Variants in NXPE2 observed in about 807,000 individuals in gnomAD.
NXPE2 encodes the protein NXPE family member 2.
A neutral mutation model predicts 34.4 loss-of-function variants in NXPE2; 34 were observed. That is an observed-to-expected ratio of 0.99 (90% CI 0.75 to 1.31). The LOEUF is 1.31. Among genes scored for constraint, NXPE2 ranks in the 40% most tolerant of loss-of-function variants. The pLI, the probability that NXPE2 is intolerant of heterozygous loss-of-function variation, is 0.00. For missense variants in NXPE2, 649 were observed against 672.5 expected, an observed-to-expected ratio of 0.97 and a Z score of 0.39; for synonymous variants, 235 against 231.3, an observed-to-expected ratio of 1.02 and a Z score of -0.15.
At chr11:114,591,918 C>T in the NXPE2 span, among the ~76,000 whole-genome samples, 4 of 152,132 alleles carry the variant, frequency 2.6e-5, no homozygotes, top group Non-Finnish European at 4.4e-5. Context: ...GGCCCCTTCT[C>T]ATTCAACAAA....
chr11:114,487,315 G>T, the NXPE2 span, among the ~76,000 whole-genome samples: 1 of 152,116 alleles, frequency 6.6e-6, no homozygotes, highest in South Asian at 2.1e-4. Flanking sequence ...GGTATACAGA[G>T]ATGCTACTGA....
chr11:114,786,355 A>AC, the NXPE2 span, among the ~76,000 whole-genome samples: 1,788 of 127,106 alleles, frequency 0.014, 47 homozygotes, highest in Non-Finnish European at 0.016. Context: ...AGATCTTTCT[A>AC]CCCCCGCCCC....
At chr11:114,543,106 A>G in the NXPE2 span, among the ~76,000 whole-genome samples, 336 of 152,164 alleles carry the variant, frequency 2.2e-3, no homozygotes, top group Non-Finnish European at 4.1e-3. Context: ...ACATAAAGAA[A>G]TCACTTTGGG....
the NXPE2 span, among the ~76,000 whole-genome samples, chr11:114,797,912 C>T: frequency 6.6e-6 from 1 of 152,196 alleles, no homozygotes; most frequent in East Asian, 1.9e-4. Context: ...GTAATTGCTT[C>T]TGGGCCAAGG....
the NXPE2 span, among the ~76,000 whole-genome samples, chr11:114,737,961 C>T: frequency 6.6e-6 from 1 of 152,138 alleles, no homozygotes; most frequent in Non-Finnish European, 1.5e-5. Context: ...GTGGTGCTGG[C>T]CTGTATTCCC....
chr11:114,629,485 A>C, the NXPE2 span, among the ~76,000 whole-genome samples: 1 of 151,364 alleles, frequency 6.6e-6, no homozygotes, highest in African/African-American at 2.4e-5. Context: ...TCATGCTAAA[A>C]ACTCTCAATA....
At chr11:114,725,976 A>AAAAAAAAAATATATAT in the NXPE2 span, among the ~76,000 whole-genome samples, 1 of 101,766 alleles carries the variant, frequency 9.8e-6, no homozygotes, top group African/African-American at 3.4e-5. Context: ...ATAAAAAAAA[A>AAAAAAAAAATATATAT]ATATATATAT....
At chr11:114,735,289 T>C in the NXPE2 span, among the ~76,000 whole-genome samples, 1 of 140,668 alleles carries the variant, frequency 7.1e-6, no homozygotes, top group Non-Finnish European at 1.6e-5. Context: ...CTCTTTTTTC[T>C]CTGTTGTTGG....
chr11:114,582,596 C>T, the NXPE2 span: 1 of 1,614,040 alleles, frequency 6.2e-7, no homozygotes, highest in Non-Finnish European at 8.5e-7. Context: ...ACAGAGAGAC[C>T]TGGCCCTCCC....
chr11:114,582,519 T>A, the NXPE2 span: 1 of 1,614,120 alleles, frequency 6.2e-7, no homozygotes, highest in Non-Finnish European at 8.5e-7. Context: ...GATCACCCTG[T>A]CATAGCCTTG....
chr11:114,760,869 C>T, the NXPE2 span, among the ~76,000 whole-genome samples: 1 of 152,188 alleles, frequency 6.6e-6, no homozygotes, highest in Non-Finnish European at 1.5e-5. Context: ...TCTAATAGAT[C>T]CTGGCCTCCA....
the NXPE2 span, among the ~76,000 whole-genome samples, chr11:114,806,739 A>T: frequency 4.6e-5 from 7 of 151,796 alleles, no homozygotes; most frequent in Non-Finnish European, 5.9e-5. Context: ...AGTGATGGGG[A>T]GAATGGAACC....
intron 2 of NXPE2, among the ~76,000 whole-genome samples, chr11:114,690,153 G>A (rs1159346771): frequency 1.3e-5 from 2 of 152,102 alleles, no homozygotes; most frequent in Admixed American, 1.3e-4. Context: ...TAGTTGCTTT[G>A]TAGTTTCAAT....
intron 2 of NXPE2, among the ~76,000 whole-genome samples, chr11:114,682,906 G>GT (rs940543913): frequency 2.0e-5 from 3 of 151,590 alleles, no homozygotes; most frequent in African/African-American, 7.3e-5. Context: ...ACTATTTCAT[G>GT]TTTTTTAAAA....
At chr11:114,598,307 G>A in the NXPE2 span, among the ~76,000 whole-genome samples, 1 of 20,998 alleles carries the variant, frequency 4.8e-5, no homozygotes, top group East Asian at 1.1e-3. Flanking sequence ...GAGTGCCTTT[G>A]GTTTTTCCAG....
At chr11:114,772,193 A>T in the NXPE2 span, among the ~76,000 whole-genome samples, 1 of 152,230 alleles carries the variant, frequency 6.6e-6, no homozygotes, top group Non-Finnish European at 1.5e-5. Context: ...TAAACAAAGG[A>T]TATCTAAGAT....
intron 2 of NXPE2, among the ~76,000 whole-genome samples, chr11:114,685,988 G>A (rs530400413): frequency 6.6e-6 from 1 of 152,042 alleles, no homozygotes; most frequent in South Asian, 2.1e-4. Flanking sequence ...GAAATGTTCT[G>A]TATCTTGACT....
the NXPE2 span, among the ~76,000 whole-genome samples, chr11:114,537,321 A>G: frequency 6.6e-6 from 1 of 152,214 alleles, no homozygotes; most frequent in Non-Finnish European, 1.5e-5. Context: ...CACAGCCAAT[A>G]TCATACTGAA....
the NXPE2 span, among the ~76,000 whole-genome samples, chr11:114,813,573 G>T: frequency 2.0e-5 from 3 of 152,176 alleles, no homozygotes; most frequent in Non-Finnish European, 4.4e-5. Context: ...GGGCATGTCT[G>T]GGGGAGTTCA....
Sources: gnomAD v4.1 joint callset for allele counts (sites outside exome capture counted in the v4.1 genomes callset) on GRCh38, gnomAD v4.1.1 for gene constraint, MANE v1.5 for transcripts, NCBI Gene and HGNC (gene_info 2026-07-23, HGNC 2026-07-21) for gene names.